Variants in TUSC3 observed in about 807,000 individuals in gnomAD.
TUSC3 encodes tumor suppressor candidate 3.
A neutral mutation model predicts 44.8 loss-of-function variants in TUSC3; 45 were observed. The observed-to-expected ratio is 1.00, with a 90% confidence interval of 0.79 to 1.29. The LOEUF (loss-of-function observed/expected upper bound fraction) is 1.29, where lower values mean the gene tolerates loss of function less well. Ranked by LOEUF, TUSC3 falls within the 50% of genes most tolerant of loss-of-function variation. TUSC3 has a pLI of 0.00. For synonymous variants in TUSC3, 212 were observed against 152.9 expected (o/e 1.39, Z -2.85); for missense variants, 519 against 437.9 (o/e 1.19, Z -1.65).
chr8:15,506,563 G>A (rs1387604617), intron 2 of TUSC3, among the ~76,000 whole-genome samples: 1 of 152,312 alleles, frequency 6.6e-6, no homozygotes, highest in South Asian at 2.1e-4. Flanking sequence ...TGGCTGGGGA[G>A]GCCTCACAAT....
chr8:15,806,563 C>T, the TUSC3 span: 3 of 1,453,652 alleles, frequency 2.1e-6, no homozygotes, highest in Non-Finnish European at 2.9e-6. Context: ...CTTCATTTCC[C>T]ATAACATCCC....
chr8:15,749,558 C>T (rs904743058), intron 9 of TUSC3, among the ~76,000 whole-genome samples: 2 of 151,884 alleles, frequency 1.3e-5, no homozygotes, highest in Non-Finnish European at 2.9e-5. Context: ...GACACCCTGC[C>T]TGCAGTGTAA....
rs555939819 is a variant in TUSC3 at position 15,524,322 on chromosome 8, T to A, written n.189+40839T>A. 3.9e-5 allele frequency among the ~76,000 whole-genome samples: 6 copies of A among 152,176 alleles called. No individual in the cohort carries two copies. The South Asian group carries it at 1.2e-3, about 32-fold the overall frequency. ...ACCAGCCATAATAGCAGTGAATAAT[T>A]TGGGATAATTCATAGACTTAATTTT... On this transcript the variant is annotated intron_variant and non_coding_transcript_variant, in intron 2 of 5. Transcript: ENST00000503191.
chr8:15,743,776 T>C (rs1000012322), intron 8 of TUSC3, among the ~76,000 whole-genome samples, 164 bp downstream of exon 8: 1 of 152,234 alleles, frequency 6.6e-6, no homozygotes, highest in Non-Finnish European at 1.5e-5. Flanking sequence ...GTTCATATAC[T>C]TGAAAATATA....
chr8:15,694,259 A>G (rs1429602210), intron 6 of TUSC3, among the ~76,000 whole-genome samples: 1 of 151,988 alleles, frequency 6.6e-6, no homozygotes, highest in Non-Finnish European at 1.5e-5. Context: ...CCTAGCCAAC[A>G]TGGTGAAACC....
At chr8:15,503,160 T>C (rs2129127146) in intron 2 of TUSC3, among the ~76,000 whole-genome samples, 1 of 152,234 alleles carries the variant, frequency 6.6e-6, no homozygotes, top group South Asian at 2.1e-4. Flanking sequence ...TATATTAAAA[T>C]GAGATTATTA....
At chr8:15,819,774 C>T in the TUSC3 span, among the ~76,000 whole-genome samples, 2 of 152,158 alleles carry the variant, frequency 1.3e-5, no homozygotes, top group Non-Finnish European at 2.9e-5. Context: ...CTGTGATGCT[C>T]TTCAAATTCA....
At chr8:15,438,005 C>T (rs187443536) in intron 1 of TUSC3, among the ~76,000 whole-genome samples, 1 of 152,180 alleles carries the variant, frequency 6.6e-6, no homozygotes, top group Non-Finnish European at 1.5e-5. Context: ...CTTTCTACTT[C>T]TTACCAGCAG....
chr8:15,657,198 G>T (rs893171279), intron 3 of TUSC3, among the ~76,000 whole-genome samples: 3 of 152,108 alleles, frequency 2.0e-5, no homozygotes, highest in Non-Finnish European at 4.4e-5. Context: ...TCCTGAACAT[G>T]TTTTTTATTG....
intron 1 of TUSC3, among the ~76,000 whole-genome samples, chr8:15,455,778 C>T (rs184833021): frequency 7.9e-5 from 12 of 152,252 alleles, no homozygotes; most frequent in East Asian, 1.9e-4. Context: ...AAGGTAACTA[C>T]GGGAGATACT....
chr8:15,841,167 T>TTA, the TUSC3 span, among the ~76,000 whole-genome samples: 266 of 149,978 alleles, frequency 1.8e-3, 1 homozygote, highest in Middle Eastern at 6.9e-3. Flanking sequence ...GCTATATGTT[T>TTA]TATATATATA....
At chr8:15,796,149 C>G in the TUSC3 span, among the ~76,000 whole-genome samples, 1 of 152,078 alleles carries the variant, frequency 6.6e-6, no homozygotes, top group African/African-American at 2.4e-5. Flanking sequence ...TGTATCCAGT[C>G]TATGTCGGTG....
chr8:15,489,703 T>C (rs1431589680), intron 2 of TUSC3, among the ~76,000 whole-genome samples: 1 of 152,174 alleles, frequency 6.6e-6, no homozygotes, highest in Non-Finnish European at 1.5e-5. Flanking sequence ...ATTTCTGTTT[T>C]AATGTGAATG....
chr8:15,648,562 T>TA (rs1806732283), intron 2 of TUSC3, among the ~76,000 whole-genome samples: 1 of 151,198 alleles, frequency 6.6e-6, no homozygotes, highest in Admixed American at 6.6e-5. Flanking sequence ...CTGTTTCTAC[T>TA]AAAAATACAA....
intron 2 of TUSC3, among the ~76,000 whole-genome samples, chr8:15,525,962 C>T (rs968802397): frequency 2.6e-5 from 4 of 152,012 alleles, no homozygotes; most frequent in African/African-American, 9.7e-5. Context: ...ATTATTTTGG[C>T]TGTAGGGAGA....
the TUSC3 span, among the ~76,000 whole-genome samples, chr8:15,792,854 AG>A: frequency 1.3e-5 from 2 of 151,972 alleles, no homozygotes; most frequent in Non-Finnish European, 2.9e-5. Flanking sequence ...CCTAGTCTCA[AG>A]TTACCCACCT....
intron 2 of TUSC3, among the ~76,000 whole-genome samples, chr8:15,517,820 G>A (rs1037768301): frequency 3.3e-5 from 5 of 151,926 alleles, no homozygotes; most frequent in African/African-American, 1.2e-4. Context: ...TAATGCATAT[G>A]TGTTTTTAAA....
chr8:15,776,400 T>C, the TUSC3 span, among the ~76,000 whole-genome samples: 1 of 152,240 alleles, frequency 6.6e-6, no homozygotes, highest in East Asian at 1.9e-4. Flanking sequence ...AGAAGGCTAT[T>C]GCTTGATAAC....
At chr8:15,475,284 A>G (rs77212294) in intron 1 of TUSC3, among the ~76,000 whole-genome samples, 2,241 of 152,302 alleles carry the variant, frequency 0.015, 53 homozygotes, top group African/African-American at 0.051. Context: ...GGCAAAGGAC[A>G]GAGATAACAC....
Sources: gnomAD v4.1 joint callset for allele counts (sites outside exome capture counted in the v4.1 genomes callset) on GRCh38, gnomAD v4.1.1 for gene constraint, MANE v1.5 for transcripts, NCBI Gene and HGNC (gene_info 2026-07-23, HGNC 2026-07-21) for gene names.